NR3C1: variants seen among roughly 807,000 people sequenced by gnomAD.
The protein encoded by NR3C1 is nuclear receptor subfamily 3 group C member 1.
Under a neutral mutation model 74.0 loss-of-function variants are expected in NR3C1, and 14 were observed. The observed-to-expected ratio is 0.19, with a 90% confidence interval of 0.12 to 0.30. The LOEUF (loss-of-function observed/expected upper bound fraction) is 0.30, where lower values mean the gene tolerates loss of function less well. NR3C1 is among the 10% of genes least tolerant of loss of function. NR3C1 has a pLI of 1.00. For synonymous variants in NR3C1, 308 were observed against 332.5 expected (o/e 0.93, Z 0.80); for missense variants, 695 against 909.8 (o/e 0.76, Z 3.04).
At position 143,300,419 on chromosome 5, in the gene NR3C1, C is replaced by A; in HGVS notation, c.1747+66G>T. On this transcript the variant is annotated intron_variant, in intron 5 of 8. Transcript: ENST00000394464. The surrounding 1 kb of genome is among the most constrained non-coding windows in gnomAD (Gnocchi z 5.2). ...CATGGGCTCACGATGATATAAAAGC[C>A]AAAGTGTTTTTGCTGAAGAAAACAC... The A allele has an allele frequency of 6.2e-7, 1 of 1,602,002 alleles. No homozygotes were observed. The highest frequency in any genetic ancestry group is 1.1e-5 in the South Asian group (1 of 90,608).
chr5:143,394,547 C>G (rs550745960), intron 2 of NR3C1, among the ~76,000 whole-genome samples: 2 of 151,980 alleles, frequency 1.3e-5, no homozygotes, highest in South Asian at 4.2e-4. Flanking sequence ...CGACTACATT[C>G]AAGTCATTAG....
At chr5:143,428,664 G>A (rs1055028035) in intron 1 of NR3C1, among the ~76,000 whole-genome samples, 6 of 152,208 alleles carry the variant, frequency 3.9e-5, no homozygotes, top group Non-Finnish European at 8.8e-5. Context: ...GGGTGGTTGA[G>A]ACAGACACAT....
chr5:143,327,123 G>C (rs369212890), intron 2 of NR3C1, among the ~76,000 whole-genome samples: 2 of 152,154 alleles, frequency 1.3e-5, no homozygotes, highest in Non-Finnish European at 2.9e-5. Context: ...CGGAAAGGAG[G>C]TTTAATTGAC....
intron 2 of NR3C1, among the ~76,000 whole-genome samples, chr5:143,350,735 G>C (rs1600184196): frequency 6.6e-6 from 1 of 152,086 alleles, no homozygotes; most frequent in Non-Finnish European, 1.5e-5. Context: ...ATGAGAAGAG[G>C]GCCTAGCACA....
Position 143,414,411 on chromosome 5 carries a change from T to C in NR3C1, c.-13-13559A>G, listed in dbSNP as rs142823949. On this transcript the variant is annotated intron_variant, in intron 1 of 8. Coordinates refer to the NR3C1 transcript ENST00000343796. ...GCAGGCAGGAAGCCAGAACCAGTAA[T>C]AGAAGCAGTAGGCACTCTGTGAATA... 1.1e-4 allele frequency among the ~76,000 whole-genome samples: 16 copies of C among 152,302 alleles called. No homozygotes were observed. The East Asian group carries it at 3.1e-3, about 29-fold the overall frequency.
intron 2 of NR3C1, among the ~76,000 whole-genome samples, chr5:143,387,778 A>G (rs762451062): frequency 2.6e-5 from 4 of 152,232 alleles, no homozygotes; most frequent in Non-Finnish European, 5.9e-5. Flanking sequence ...TATAGACAGA[A>G]TAAGTCAAAT....
chr5:143,335,740 T>C (rs987142733), intron 2 of NR3C1, among the ~76,000 whole-genome samples: 7 of 152,400 alleles, frequency 4.6e-5, no homozygotes, highest in Non-Finnish European at 7.3e-5. Context: ...TTAGTAGTTG[T>C]AAAGTATTTG....
chr5:143,325,592 C>G (rs1824408040), intron 2 of NR3C1, among the ~76,000 whole-genome samples: 2 of 152,118 alleles, frequency 1.3e-5, no homozygotes, highest in South Asian at 2.1e-4. Context: ...AATAGTGATG[C>G]TGGAATATTG....
chr5:143,394,565 T>G (rs1481846703), intron 2 of NR3C1, among the ~76,000 whole-genome samples: 2 of 152,032 alleles, frequency 1.3e-5, no homozygotes, highest in Non-Finnish European at 2.9e-5. Flanking sequence ...TAGATTTTCA[T>G]TTATTAAACA....
intron 1 of NR3C1, among the ~76,000 whole-genome samples, chr5:143,420,527 T>G (rs1751170808): frequency 6.6e-6 from 1 of 152,158 alleles, no homozygotes; most frequent in Non-Finnish European, 1.5e-5. Flanking sequence ...ATGCTATTAA[T>G]TATAATGGTT....
At chr5:143,287,473 A>T (rs566093774) in intron 7 of NR3C1, among the ~76,000 whole-genome samples, 16 of 152,296 alleles carry the variant, frequency 1.1e-4, no homozygotes, top group African/African-American at 3.8e-4. Context: ...GTCAAGGAAA[A>T]ATATAAATTC....
intron 2 of NR3C1, among the ~76,000 whole-genome samples, chr5:143,352,938 G>A (rs1253570426): frequency 2.6e-5 from 4 of 152,146 alleles, no homozygotes; most frequent in Non-Finnish European, 4.4e-5. Context: ...TTTGTAGCAC[G>A]AGATGCTGTT....
chr5:143,412,002 A>G (rs1434311651), intron 1 of NR3C1, among the ~76,000 whole-genome samples: 1 of 152,034 alleles, frequency 6.6e-6, no homozygotes, highest in African/African-American at 2.4e-5. Context: ...AGGTAAGCAA[A>G]GCAGTCATCC....
upstream of NR3C1, chr5:143,403,699 A>G: frequency 2.0e-6 from 2 of 983,476 alleles, no homozygotes; most frequent in East Asian, 1.1e-4. Flanking sequence ...CACGGCGCGC[A>G]CACACTCGCA....
intron 2 of NR3C1, among the ~76,000 whole-genome samples, chr5:143,367,020 T>C (rs1217676136): frequency 6.6e-6 from 1 of 152,064 alleles, no homozygotes; most frequent in Non-Finnish European, 1.5e-5. Flanking sequence ...CTCAACAAAA[T>C]ACTGGCAAAC....
At chr5:143,365,786 A>G (rs1300381020) in intron 2 of NR3C1, among the ~76,000 whole-genome samples, 2 of 152,254 alleles carry the variant, frequency 1.3e-5, no homozygotes, top group Non-Finnish European at 2.9e-5. Flanking sequence ...TTTAAAAGAT[A>G]GAAATCATAC....
chr5:143,344,180 C>G (rs990393303), intron 2 of NR3C1, among the ~76,000 whole-genome samples: 2 of 151,924 alleles, frequency 1.3e-5, no homozygotes, highest in Non-Finnish European at 2.9e-5. Context: ...TTTAAAAAGA[C>G]TAAGACAAAT....
At chr5:143,384,816 C>CCACTCTGGA (rs2151897797) in intron 2 of NR3C1, among the ~76,000 whole-genome samples, 1 of 152,268 alleles carries the variant, frequency 6.6e-6, no homozygotes, top group South Asian at 2.1e-4. Context: ...AGTGGATCTA[C>CCACTCTGGA]CACTCTGGAG....
In NR3C1 at chr5:143,400,478, A is replaced by G. The variant is rs1337459650; in HGVS notation, c.362T>C (p.Leu121Pro). ...SLSSGETDLK[L>P]LEESIANLNR... ...GAGGTTTGCAATGCTTTCTTCCAAA[A>G]GCTTTAAGTCTGTTTCCCCCGAGGA... The change falls in exon 2 of 9, where the codon CTT (leucine) becomes CCT (proline). Residue 121 changes from leucine to proline, a missense_variant. This residue lies in a region of NR3C1 where 497 missense variants were observed against 489.5 expected (regional missense o/e 1.02). Coordinates refer to ENST00000394464, the MANE Select transcript of NR3C1 (RefSeq NM_000176.3). The G allele has an allele frequency of 6.2e-7, 1 of 1,614,160 alleles. No individual in the cohort carries two copies. Among genetic ancestry groups the G allele is most frequent in the Admixed American group, 1.7e-5 (1 of 60,024 alleles).
Sources: gnomAD v4.1 joint callset for allele counts (sites outside exome capture counted in the v4.1 genomes callset) on GRCh38, gnomAD v4.1.1 for gene constraint, gnomAD v4.1.1 regional missense constraint, Gnocchi (gnomAD v3.1) non-coding constraint, MANE v1.5 for transcripts, NCBI Gene and HGNC (gene_info 2026-07-23, HGNC 2026-07-21) for gene names.